The following PIK3CB variants were observed in gnomAD, a reference collection of about 807,000 sequenced individuals.
PIK3CB encodes the protein phosphatidylinositol 4,5-bisphosphate 3-kinase catalytic subunit beta isoform.
A neutral mutation model predicts 136.8 loss-of-function variants in PIK3CB; 39 were observed. The observed-to-expected ratio is 0.29, with a 90% CI of 0.22 to 0.37. The LOEUF (loss-of-function observed/expected upper bound fraction) is 0.37, where lower values mean the gene tolerates loss of function less well. Ranked by LOEUF, PIK3CB falls within the 10% of genes least tolerant of loss-of-function variation. The probability of loss-of-function intolerance (pLI) is 1.00; values close to 1 mark genes in which losing one functional copy is unlikely to be tolerated. For synonymous variants in PIK3CB, 428 were observed against 436.6 expected, an observed-to-expected ratio of 0.98 and a Z score of 0.25; for missense variants, 868 against 1,275.4, an observed-to-expected ratio of 0.68 and a Z score of 4.87.
At chr3:138,674,784 G>A (rs745630729) in intron 19 of PIK3CB, among the ~76,000 whole-genome samples, 19 of 152,146 alleles carry the variant, frequency 1.2e-4, no homozygotes, top group Non-Finnish European at 2.4e-4. Context: ...GGTTGGGGGC[G>A]GTGGCTCACA....
chr3:138,793,075 C>G (rs1486687227), intron 2 of PIK3CB, among the ~76,000 whole-genome samples: 1 of 152,166 alleles, frequency 6.6e-6, no homozygotes, highest in East Asian at 1.9e-4. Flanking sequence ...AGGGCAGCTA[C>G]CAAATTCACC....
Position 138,834,338 on chromosome 3 carries a change from C to CTAT in PIK3CB, c.-122+356_-122+357insATA, listed in dbSNP as rs562980854. 7.9e-4 allele frequency among the ~76,000 whole-genome samples: 121 copies of CTAT among 152,338 alleles called. 1 individual carries two copies. Among genetic ancestry groups the CTAT allele is most frequent in the African/African-American group, 2.8e-3 (117 of 41,588 alleles). ...AGGGTCGGGAAGTTCCGGAGGTGTC[C>CTAT]GCATAGACGCGGGGCGCGAGTACGC... On this transcript the variant is annotated intron_variant, in intron 1 of 23. Transcript: ENST00000674063.
chr3:138,809,072 A>C (rs1342147026), intron 1 of PIK3CB, among the ~76,000 whole-genome samples: 1 of 151,848 alleles, frequency 6.6e-6, no homozygotes, highest in Non-Finnish European at 1.5e-5. Flanking sequence ...TCAGGAGTTC[A>C]AGATCATCCT....
Position 138,671,791 on chromosome 3 carries a change from A to G in PIK3CB, c.2505-6588T>C, listed in dbSNP as rs1288497400. Reference sequence around the variant, plus strand: ...GCACACCTGAACAAAGGGGCACGACAGCCTTTATTCCTGACGCAAGTCCTG... The same window carrying G: ...GCACACCTGAACAAAGGGGCACGACGGCCTTTATTCCTGACGCAAGTCCTG... On this transcript the variant is annotated intron_variant, in intron 19 of 23. Coordinates refer to ENST00000674063, the MANE Select transcript of PIK3CB (RefSeq NM_006219.3). Among the ~76,000 whole-genome samples the G allele has an allele frequency of 2.6e-5, 4 of 152,274 alleles. No individual in the cohort carries two copies. In the East Asian group the frequency reaches 7.7e-4, roughly 29 times the overall value.
intron 2 of PIK3CB, among the ~76,000 whole-genome samples, chr3:138,772,000 T>C (rs1186709331): frequency 6.6e-6 from 1 of 151,340 alleles, no homozygotes; most frequent in Non-Finnish European, 1.5e-5. Flanking sequence ...AATGTACCTA[T>C]TTACAAACCT....
chr3:138,733,917 T>C (rs2045046408), intron 7 of PIK3CB, among the ~76,000 whole-genome samples: 1 of 152,052 alleles, frequency 6.6e-6, no homozygotes, highest in African/African-American at 2.4e-5. Context: ...TTATAACCCC[T>C]AGCACTTGGC....
chr3:138,661,279 T>C (rs942749442), intron 21 of PIK3CB, among the ~76,000 whole-genome samples: 1 of 152,214 alleles, frequency 6.6e-6, no homozygotes, highest in Non-Finnish European at 1.5e-5. Context: ...GTTCCATATA[T>C]AAGCTGCCAA....
At chr3:138,784,372 ACT>A (rs977220343) in intron 2 of PIK3CB, among the ~76,000 whole-genome samples, 4 of 151,816 alleles carry the variant, frequency 2.6e-5, no homozygotes, top group African/African-American at 9.7e-5. Flanking sequence ...ACAGAGAGAG[ACT>A]CTGTATCAAA....
intron 17 of PIK3CB, among the ~76,000 whole-genome samples, chr3:138,684,286 T>C (rs1051769396): frequency 9.9e-5 from 15 of 152,206 alleles, no homozygotes; most frequent in African/African-American, 3.4e-4. Context: ...TATTTTAAAA[T>C]AGGAAAATCA....
intron 2 of PIK3CB, chr3:138,778,826 A>G: frequency 9.7e-6 from 2 of 206,056 alleles, no homozygotes; most frequent in Non-Finnish European, 9.9e-6. Context: ...CACCAGCCCC[A>G]GTGAGACCAT....
In PIK3CB at chr3:138,711,213, C is replaced by CA. The variant is rs1168066304; in HGVS notation, c.1399+994dup. The stretch of plus-strand genomic sequence containing the variant: ...GACACTGTTCCTTAGGAGAATTTCT[C>CA]AAAAAAAAAAAGAAAAAAAAAACCT... On this transcript the variant is annotated intron_variant, in intron 10 of 23. Coordinates refer to ENST00000674063, the MANE Select transcript of PIK3CB (RefSeq NM_006219.3). Among the ~76,000 whole-genome samples the CA allele has an allele frequency of 9.8e-4, 95 of 96,502 alleles. No individual in the cohort carries two copies. In the Middle Eastern group the frequency reaches 0.02, roughly 20 times the overall value. 63.3% of individuals were successfully genotyped at this position (96,502 alleles called of 152,430 possible). A position where few individuals can be genotyped will look rare whatever the true frequency, so the allele number is the denominator to read the frequency against.
rs369820901 is a variant in PIK3CB, at chr3:138,658,264, C to T, written c.2797-429G>A. On this transcript the variant is annotated intron_variant, in intron 21 of 23. Coordinates refer to ENST00000674063, the MANE Select transcript of PIK3CB (RefSeq NM_006219.3). ...AGGAGTTCAAGGCCAGCCTAGGCAA[C>T]ATAGCGAGACCCCATCTCTACAAAT... Among the ~76,000 whole-genome samples the T allele has an allele frequency of 3.9e-5, 6 of 152,106 alleles. No homozygotes were observed. The South Asian group carries it at 1.2e-3, about 32-fold the overall frequency.
chr3:138,708,263 CTTTT>C lies in PIK3CB; in HGVS notation c.1400-978_1400-975del, dbSNP rs61178842. The stretch of plus-strand genomic sequence containing the variant: ...CTCACGGACTCAATTTTTTCTTTTT[CTTTT>C]TTTTTTTTTTTTTTTGAGACAGGGT... On this transcript the variant is annotated intron_variant, in intron 10 of 23. Coordinates refer to ENST00000674063, the MANE Select transcript of PIK3CB (RefSeq NM_006219.3). Among the ~76,000 whole-genome samples, 8 of 108,868 alleles carry C rather than the reference CTTTT, an allele frequency of 7.3e-5. No individual in the cohort carries two copies. In the East Asian group the frequency reaches 1.1e-3, roughly 14 times the overall value. 71.4% of individuals were successfully genotyped at this position (108,868 alleles called of 152,430 possible). A position where few individuals can be genotyped will look rare whatever the true frequency, so the allele number is the denominator to read the frequency against.
At chr3:138,834,310 C>CTGAG (rs1934173189) in intron 1 of PIK3CB, among the ~76,000 whole-genome samples, 1 of 152,262 alleles carries the variant, frequency 6.6e-6, no homozygotes, top group Admixed American at 6.5e-5. Flanking sequence ...AAAAAGGCAC[C>CTGAG]TGAGGGTCGG....
chr3:138,778,122 C>A, intron 2 of PIK3CB: 1 of 388,648 alleles, frequency 2.6e-6, no homozygotes, highest in Non-Finnish European at 5.1e-6. Context: ...AGACCACTGG[C>A]ATCTTCACTA....
At chr3:138,821,845 T>G (rs748847749) in intron 1 of PIK3CB, among the ~76,000 whole-genome samples, 1 of 151,816 alleles carries the variant, frequency 6.6e-6, no homozygotes, top group Non-Finnish European at 1.5e-5. Context: ...TGAGTGAATG[T>G]GCACATCAAG....
At chr3:138,822,862 GAAAT>G (rs1933621728) in intron 1 of PIK3CB, among the ~76,000 whole-genome samples, 1 of 143,446 alleles carries the variant, frequency 7.0e-6, no homozygotes, top group African/African-American at 2.5e-5. Context: ...ATATATATAC[GAAAT>G]ATATATGAAA....
intron 6 of PIK3CB, among the ~76,000 whole-genome samples, chr3:138,736,622 T>C (rs906681519): frequency 6.6e-6 from 1 of 152,198 alleles, no homozygotes; most frequent in Non-Finnish European, 1.5e-5. Flanking sequence ...TTAAACAGTA[T>C]ACCTTATAGG....
chr3:138,737,394 C>CAAAAAAAAAAAAA lies in PIK3CB; in HGVS notation c.801+300_801+312dup, dbSNP rs11344311. 5.1e-5 allele frequency among the ~76,000 whole-genome samples: 2 copies of CAAAAAAAAAAAAA among 39,066 alleles called. 1 individual carries two copies. The allele number at this position is 39,066 out of a possible 152,430, so 25.6% of individuals were successfully genotyped here. On this transcript the variant is annotated intron_variant, in intron 6 of 23. Transcript: ENST00000674063. The stretch of plus-strand genomic sequence containing the variant: ...TAGGCGACAGAGCAACACTCTGTCT[C>CAAAAAAAAAAAAA]AAAAAAAAAAAAAAAAAAAAAAAAA...
Sources: gnomAD v4.1 joint callset for allele counts (sites outside exome capture counted in the v4.1 genomes callset) on GRCh38, gnomAD v4.1.1 for gene constraint, MANE v1.5 for transcripts, NCBI Gene and HGNC (gene_info 2026-07-23, HGNC 2026-07-21) for gene names.